The following HPSE2 variants were observed in gnomAD, a reference collection of about 807,000 sequenced individuals.
HPSE2 encodes the protein heparanase 2 (inactive).
Under a neutral mutation model 60.5 loss-of-function variants are expected in HPSE2, and 38 were observed. The observed-to-expected ratio is 0.63, with a 90% CI of 0.48 to 0.82. The LOEUF (loss-of-function observed/expected upper bound fraction) is 0.82. HPSE2 is among the 40% of genes least tolerant of loss of function. HPSE2 has a pLI of 0.00. For synonymous variants in HPSE2, 295 were observed against 293.2 expected (o/e 1.01, Z -0.06); for missense variants, 713 against 740.4 (o/e 0.96, Z 0.43).
At chr10:98,918,555 C>T (rs1954189458) in intron 3 of HPSE2, among the ~76,000 whole-genome samples, 1 of 149,898 alleles carries the variant, frequency 6.7e-6, no homozygotes, top group African/African-American at 2.5e-5. Flanking sequence ...TGGAAATCAT[C>T]ATTCTCAGTA....
chr10:98,481,328 G>A (rs1941226504), intron 11 of HPSE2, among the ~76,000 whole-genome samples: 1 of 152,148 alleles, frequency 6.6e-6, no homozygotes, highest in South Asian at 2.1e-4. Flanking sequence ...TGAAGATTAG[G>A]AAACTGAGGC....
In HPSE2 at chr10:98,580,836, A is replaced by G. The variant is rs201194932; in HGVS notation, c.1320+34068T>C. Among the ~76,000 whole-genome samples, 184 of 119,552 alleles carry G rather than the reference A, an allele frequency of 1.5e-3. 1 individual carries two copies. The highest frequency in any genetic ancestry group is 5.2e-3 in the African/African-American group (146 of 27,938). 78.4% of individuals were successfully genotyped at this position (119,552 alleles called of 152,430 possible). On this transcript the variant is annotated intron_variant, in intron 9 of 11. Coordinates refer to ENST00000370552, the MANE Select transcript of HPSE2 (RefSeq NM_021828.5). The stretch of plus-strand genomic sequence containing the variant: ...GTTGTGCTTGGTTTTATATATATAT[A>G]TGTGTGTGTGTGTGTGTGTGTGTGT...
intron 3 of HPSE2, among the ~76,000 whole-genome samples, chr10:98,920,125 C>A (rs1954240185): frequency 1.3e-5 from 2 of 152,180 alleles, no homozygotes; most frequent in South Asian, 4.1e-4. Context: ...ATGCTGCTCC[C>A]AGGCAATGAC....
At chr10:98,672,831 G>T (rs1482085592) in intron 6 of HPSE2, among the ~76,000 whole-genome samples, 1 of 152,000 alleles carries the variant, frequency 6.6e-6, no homozygotes, top group African/African-American at 2.4e-5. Flanking sequence ...AAAGGTGAGT[G>T]TCTCTTGCTT....
In HPSE2 at chr10:98,579,130, G is replaced by A. The variant is rs1038401350; in HGVS notation, c.1320+35774C>T. ...TGGAGAACGAAGAATGGCAAGACCC[G>A]GAGAATGACTTAAAAGACCCAGAAT... On this transcript the variant is annotated intron_variant, in intron 9 of 11. Coordinates refer to ENST00000370552, the MANE Select transcript of HPSE2 (RefSeq NM_021828.5). Among the ~76,000 whole-genome samples, 5 of 152,102 alleles carry A rather than the reference G, an allele frequency of 3.3e-5. No individual in the cohort carries two copies. In the South Asian group the frequency reaches 6.2e-4, roughly 19 times the overall value.
At chr10:98,773,978 C>CCCAA (rs1197576066) in intron 3 of HPSE2, among the ~76,000 whole-genome samples, 1 of 151,928 alleles carries the variant, frequency 6.6e-6, no homozygotes, top group East Asian at 1.9e-4. Context: ...ATCACTTGAG[C>CCCAA]CCAAGGAGGT....
chr10:98,705,070 AC>A lies in HPSE2; in HGVS notation c.957-11124del, dbSNP rs1322847514. Among the ~76,000 whole-genome samples the A allele has an allele frequency of 2.0e-5, 3 of 152,350 alleles. No homozygotes were observed. In the East Asian group the frequency reaches 5.8e-4, roughly 29 times the overall value. On this transcript the variant is annotated intron_variant, in intron 5 of 11. Transcript: ENST00000370552. Reference sequence around the variant, plus strand: ...ACTTAAACAAATTTACAAGAAAAAAACAACCCCATAAAAACTGGGCAAAGGA... The same window carrying A: ...ACTTAAACAAATTTACAAGAAAAAAAAACCCCATAAAAACTGGGCAAAGGA...
At chr10:98,678,826 G>C (rs1195998444) in intron 6 of HPSE2, among the ~76,000 whole-genome samples, 1 of 151,720 alleles carries the variant, frequency 6.6e-6, no homozygotes, top group Non-Finnish European at 1.5e-5. Context: ...CCTAGAGAGA[G>C]AAAAAAATGC....
rs577170649 is a variant in HPSE2, at chr10:98,604,960, A to C, written c.1320+9944T>G. Among the ~76,000 whole-genome samples, 9 of 152,308 alleles carry C rather than the reference A, an allele frequency of 5.9e-5. No homozygotes were observed. The South Asian group carries it at 1.9e-3, about 32-fold the overall frequency. ...TCCAGTAGGTGAGCCTTCTATCCCAAGGCCTTCCTGCCTTCCTGCTGTCAC... is the reference window on the plus strand; with the variant it reads ...TCCAGTAGGTGAGCCTTCTATCCCACGGCCTTCCTGCCTTCCTGCTGTCAC... On this transcript the variant is annotated intron_variant, in intron 9 of 11. Coordinates refer to ENST00000370552, the MANE Select transcript of HPSE2 (RefSeq NM_021828.5).
intron 7 of HPSE2, among the ~76,000 whole-genome samples, chr10:98,632,297 A>C (rs961141422): frequency 2.6e-5 from 4 of 152,196 alleles, no homozygotes; most frequent in Admixed American, 1.3e-4. Flanking sequence ...TGCATTTTTC[A>C]CAATTCAATG....
At chr10:98,464,358 C>G (rs1298390434) in intron 11 of HPSE2, among the ~76,000 whole-genome samples, 1 of 152,134 alleles carries the variant, frequency 6.6e-6, no homozygotes, top group Non-Finnish European at 1.5e-5. Flanking sequence ...GCCAAGCCCC[C>G]GTGCCCTAGC....
chr10:98,704,886 C>T (rs1257185868), intron 5 of HPSE2, among the ~76,000 whole-genome samples: 3 of 152,126 alleles, frequency 2.0e-5, no homozygotes, highest in African/African-American at 7.2e-5. Context: ...AAAGCAACTG[C>T]AACCAAAGAC....
intron 3 of HPSE2, among the ~76,000 whole-genome samples, chr10:98,844,540 G>C (rs1479584835): frequency 6.6e-6 from 1 of 152,142 alleles, no homozygotes; most frequent in African/African-American, 2.4e-5. Flanking sequence ...GACAAAGATA[G>C]AGAAATATTA....
At chr10:98,614,832 T>C (rs1945859227) in intron 9 of HPSE2, 72 bp downstream of exon 9, 3 of 1,000,192 alleles carry the variant, frequency 3.0e-6, no homozygotes, top group African/African-American at 1.6e-5. Context: ...ATTCTCCTAG[T>C]ATGGAACAAG....
At chr10:99,268,926 C>A in the HPSE2 span, among the ~76,000 whole-genome samples, 1 of 151,518 alleles carries the variant, frequency 6.6e-6, no homozygotes, top group South Asian at 2.1e-4. Context: ...GAGGCCGAGG[C>A]GGGTGGATCA....
At chr10:99,260,289 A>C in the HPSE2 span, among the ~76,000 whole-genome samples, 3 of 150,560 alleles carry the variant, frequency 2.0e-5, no homozygotes, top group African/African-American at 7.3e-5. Flanking sequence ...TGTTGCCCAC[A>C]CAAAGCCTGT....
At chr10:98,493,074 T>C (rs902249756) in intron 9 of HPSE2, among the ~76,000 whole-genome samples, 1 of 152,242 alleles carries the variant, frequency 6.6e-6, no homozygotes, top group African/African-American at 2.4e-5. Context: ...ATAGTATTTG[T>C]CTTTTTGTGA....
At chr10:98,488,667 G>A (rs975108039) in intron 10 of HPSE2, among the ~76,000 whole-genome samples, 1 of 152,144 alleles carries the variant, frequency 6.6e-6, no homozygotes, top group African/African-American at 2.4e-5. Context: ...TTTCTATCTC[G>A]AGTCTGGGGG....
At chr10:99,107,011 C>G (rs1844274400) in intron 3 of HPSE2, among the ~76,000 whole-genome samples, 1 of 152,106 alleles carries the variant, frequency 6.6e-6, no homozygotes, top group Non-Finnish European at 1.5e-5. Context: ...GTTAGGACTA[C>G]AGGTGTGCAC....
Sources: gnomAD v4.1 joint callset for allele counts (sites outside exome capture counted in the v4.1 genomes callset) on GRCh38, gnomAD v4.1.1 for gene constraint, MANE v1.5 for transcripts, NCBI Gene and HGNC (gene_info 2026-07-23, HGNC 2026-07-21) for gene names.